ZNF236: variants seen among roughly 807,000 people sequenced by gnomAD.
ZNF236 encodes the protein regulated by glucose.
ZNF236 carries 50 observed loss-of-function variants against 191.2 expected under a neutral mutation model. The observed-to-expected ratio is 0.26, with a 90% CI of 0.21 to 0.33. The LOEUF (loss-of-function observed/expected upper bound fraction) is 0.33. ZNF236 is among the 10% of genes least tolerant of loss of function. ZNF236 has a pLI of 1.00. For missense variants in ZNF236, 1,754 were observed against 2,374.5 expected, an observed-to-expected ratio of 0.74 and a Z score of 5.43; for synonymous variants, 907 against 928.8, an observed-to-expected ratio of 0.98 and a Z score of 0.43.
chr18:76,869,106 G>A (rs1353816321), intron 4 of ZNF236, among the ~76,000 whole-genome samples: 1 of 152,206 alleles, frequency 6.6e-6, no homozygotes, highest in Non-Finnish European at 1.5e-5. Context: ...CTGTAGAACA[G>A]GATACTGGCA....
At chr18:76,965,271 A>T (rs762849919) in intron 30 of ZNF236, among the ~76,000 whole-genome samples, 3 of 152,136 alleles carry the variant, frequency 2.0e-5, no homozygotes, top group African/African-American at 4.8e-5. Context: ...ATTTCATTGA[A>T]TATTTCTCCC....
rs773461419 is a variant in ZNF236, at chr18:76,956,167, C to T, written c.5097C>T (p.Arg1699=). 1.7e-5 allele frequency: 27 copies of T among 1,551,106 alleles called. No homozygotes were observed. The highest frequency in any genetic ancestry group is 9.7e-5 in the Admixed American group (5 of 51,550). ...CCGTGTGCAGGAAGGCCTTCAAGCG[C>T]GCCACGCACCTCAAGGTAGGCCCAC... The part of the protein sequence containing the change: ...GCPVCRKAFK[R]ATHLKEHMQT... Residue 1699 remains arginine, a synonymous_variant, in exon 28 of 31, where the codon CGC becomes CGT. Transcript: ENST00000320610.
At chr18:76,872,241 G>C (rs1191935036) in intron 5 of ZNF236, among the ~76,000 whole-genome samples, 4 of 152,226 alleles carry the variant, frequency 2.6e-5, no homozygotes, top group African/African-American at 9.7e-5. Flanking sequence ...AGCACTTTGG[G>C]AAGCTGAGGT....
intron 27 of ZNF236, among the ~76,000 whole-genome samples, chr18:76,950,435 A>G (rs1253228356): frequency 1.3e-5 from 2 of 152,158 alleles, no homozygotes; most frequent in Non-Finnish European, 2.9e-5. Context: ...TGCTCAAGTT[A>G]TATATACCTT....
chr18:76,829,762 T>C (rs924813067), intron 1 of ZNF236, among the ~76,000 whole-genome samples: 2 of 152,254 alleles, frequency 1.3e-5, no homozygotes, highest in Admixed American at 1.3e-4. Flanking sequence ...AGGAGCTTCA[T>C]GAGTTTTCCT....
chr18:76,829,247 T>C (rs1159146321), intron 1 of ZNF236, among the ~76,000 whole-genome samples: 1 of 152,214 alleles, frequency 6.6e-6, no homozygotes, highest in Non-Finnish European at 1.5e-5. Context: ...CATAGAACTT[T>C]TCTTCACATG....
intron 25 of ZNF236, among the ~76,000 whole-genome samples, chr18:76,933,619 C>G (rs980564452): frequency 6.6e-6 from 1 of 151,032 alleles, no homozygotes; most frequent in South Asian, 2.1e-4. Context: ...AAAAGATGAA[C>G]GCATAATTAA....
rs534643886 is a variant in ZNF236, at chr18:76,881,354, A to G, written c.1259A>G (p.Lys420Arg). The change falls in exon 9 of 31, where the codon AAG becomes AGG. Residue 420 changes from lysine to arginine, a missense_variant. Physicochemically the swap from Lys to Arg is conservative, Grantham distance 26. Transcript: ENST00000320610. The part of the protein sequence containing the change: ...AAHPNDSCHA[K>R]TSAPHAQNPD... Reference sequence around the variant, plus strand: ...CATCCTAATGACTCCTGCCATGCCAAGACCTCTGCACCACACGCTCAAAAC... The same window carrying G: ...CATCCTAATGACTCCTGCCATGCCAGGACCTCTGCACCACACGCTCAAAAC... 7 of 1,614,184 alleles carry G rather than the reference A, an allele frequency of 4.3e-6. No homozygotes were observed. In the Admixed American group the frequency reaches 1.0e-4, roughly 23 times the overall value.
At chr18:76,831,760 T>G (rs867912377) in intron 1 of ZNF236, among the ~76,000 whole-genome samples, 107 of 152,380 alleles carry the variant, frequency 7.0e-4, no homozygotes, top group Middle Eastern at 6.8e-3. Context: ...TATCTCATTT[T>G]AATTTGCAAT....
chr18:76,892,852 C>T (rs1977289854), intron 9 of ZNF236, among the ~76,000 whole-genome samples: 1 of 152,228 alleles, frequency 6.6e-6, no homozygotes, highest in African/African-American at 2.4e-5. Context: ...CAGGCGTGAG[C>T]CACCGCACCT....
intron 1 of ZNF236, among the ~76,000 whole-genome samples, chr18:76,826,814 A>G (rs1294057056): frequency 2.0e-5 from 3 of 151,456 alleles, no homozygotes; most frequent in Admixed American, 6.6e-5. Flanking sequence ...AAAAAAAAAA[A>G]GCATGCATTT....
At chr18:76,918,819 C>T (rs935997633) in intron 19 of ZNF236, among the ~76,000 whole-genome samples, 2 of 152,122 alleles carry the variant, frequency 1.3e-5, no homozygotes, top group South Asian at 2.1e-4. Flanking sequence ...CTTCCCAAAG[C>T]GGTGGGATTA....
rs550995435 is a variant in ZNF236 at position 76,943,210 on chromosome 18, C to A, written c.4783-4311C>A. Reference sequence around the variant, plus strand: ...TATATGTTTTTATAAGTCCATAATTCTAATTTAAAACTTGAAAAGGGCCCA... The same window carrying A: ...TATATGTTTTTATAAGTCCATAATTATAATTTAAAACTTGAAAAGGGCCCA... On this transcript the variant is annotated intron_variant, in intron 26 of 30. Coordinates refer to ENST00000320610, the MANE Select transcript of ZNF236 (RefSeq NM_001306089.2). 2.7e-5 allele frequency among the ~76,000 whole-genome samples: 4 copies of A among 150,230 alleles called. No homozygotes were observed. The East Asian group carries it at 7.9e-4, about 30-fold the overall frequency.
intron 13 of ZNF236, among the ~76,000 whole-genome samples, chr18:76,908,067 T>C (rs1967107068): frequency 1.3e-5 from 2 of 151,752 alleles, no homozygotes; most frequent in Non-Finnish European, 2.9e-5. Flanking sequence ...GGCATTCGGG[T>C]GTGTGTTGTC....
At chr18:76,864,271 C>G (rs900037715) in intron 3 of ZNF236, among the ~76,000 whole-genome samples, 3 of 150,546 alleles carry the variant, frequency 2.0e-5, no homozygotes, top group Non-Finnish European at 4.4e-5. Context: ...ACTGTGTCGG[C>G]TCACTGCAAC....
In ZNF236 at chr18:76,908,486, C is replaced by T. The variant is rs1393739743; in HGVS notation, c.2464C>T (p.Leu822=). The T allele has an allele frequency of 2.5e-6, 4 of 1,614,126 alleles. No individual in the cohort carries two copies. The highest frequency in any genetic ancestry group is 8.5e-7 in the Non-Finnish European group (1 of 1,180,052). Residue 822 remains leucine, a synonymous_variant, in exon 14 of 31, where the codon CTG becomes TTG. Coordinates refer to ENST00000320610, the MANE Select transcript of ZNF236 (RefSeq NM_001306089.2). ...GGTCGCAGCGAACCCCGAGGCCATG[C>T]TGGACCTGGAGCCTCAGCATGTGGT... ...EVVAANPEAM[L]DLEPQHVVGT...
In ZNF236 at chr18:76,925,635, G is replaced by A; in HGVS notation, c.4027+81G>A. 1 of 1,518,700 alleles carries A rather than the reference G, an allele frequency of 6.6e-7. No homozygotes were observed. Among genetic ancestry groups the A allele is most frequent in the Non-Finnish European group, 8.8e-7 (1 of 1,135,990 alleles). The allele number at this position is 1,518,700 out of a possible 1,614,324, so 94.1% of individuals were successfully genotyped here. A position where few individuals can be genotyped will look rare whatever the true frequency, so the allele number is the denominator to read the frequency against. On this transcript the variant is annotated intron_variant, in intron 22 of 30. Coordinates refer to ENST00000320610, the MANE Select transcript of ZNF236 (RefSeq NM_001306089.2). This position sits in a 1 kb window ranked among gnomAD's most constrained non-coding sequence, Gnocchi z 5.7. Reference sequence around the variant, plus strand: ...GCTTCTGTCTGTTCCCACGACAGAAGAGATGTTGTTTACCGTAGCACCACG... The same window carrying A: ...GCTTCTGTCTGTTCCCACGACAGAAAAGATGTTGTTTACCGTAGCACCACG...
rs1391058812 is a variant in ZNF236 at position 76,971,899 on chromosome 18, G to A, written c.*3560G>A. Among the ~76,000 whole-genome samples, 1 of 152,066 alleles carries A rather than the reference G, an allele frequency of 6.6e-6. No individual in the cohort carries two copies. Among genetic ancestry groups the A allele is most frequent in the Non-Finnish European group, 1.5e-5 (1 of 68,014 alleles). ...ATGCCTGCTTCTTACATTTTTTTCT[G>A]AAGCTTATTTCAGAATTAATACCGT... is the stretch of plus-strand genomic sequence containing the variant. On this transcript the variant is annotated 3_prime_UTR_variant, in exon 31 of 31. Transcript: ENST00000320610.
intron 1 of ZNF236, among the ~76,000 whole-genome samples, chr18:76,832,522 C>T (rs1258164591): frequency 6.6e-6 from 1 of 150,562 alleles, no homozygotes; most frequent in Non-Finnish European, 1.5e-5. Context: ...CTTTTTTTTA[C>T]ATGGTTGCAA....
Sources: gnomAD v4.1 joint callset for allele counts (sites outside exome capture counted in the v4.1 genomes callset) on GRCh38, gnomAD v4.1.1 for gene constraint, Gnocchi (gnomAD v3.1) non-coding constraint, MANE v1.5 for transcripts, NCBI Gene and HGNC (gene_info 2026-07-23, HGNC 2026-07-21) for gene names.